ADGRV1: variants seen among roughly 807,000 people sequenced by gnomAD.
ADGRV1 encodes G-protein coupled receptor 98.
In ADGRV1, 359 loss-of-function variants were observed where a neutral mutation model predicts 596.2. That is an observed-to-expected ratio of 0.60 (90% CI 0.55 to 0.66). The LOEUF (loss-of-function observed/expected upper bound fraction) is 0.66. Among genes scored for constraint, ADGRV1 ranks in the 30% least tolerant of loss-of-function variants. The probability of loss-of-function intolerance (pLI) is 0.00; values close to 1 mark genes in which losing one functional copy is unlikely to be tolerated. For missense variants in ADGRV1, 7,274 were observed against 7,575.6 expected (o/e 0.96, Z 1.48); for synonymous variants, 2,681 against 2,679.2 (o/e 1.00, Z -0.02).
At chr5:91,157,180 C>G (rs1796545131) in intron 89 of ADGRV1, among the ~76,000 whole-genome samples, 1 of 152,170 alleles carries the variant, frequency 6.6e-6, no homozygotes, top group Non-Finnish European at 1.5e-5. Context: ...ATGGCCCATT[C>G]CAAGTCAAGT....
chr5:90,714,175 A>G (rs1344179632), intron 42 of ADGRV1, among the ~76,000 whole-genome samples: 1 of 151,988 alleles, frequency 6.6e-6, no homozygotes, highest in African/African-American at 2.4e-5. Context: ...TTAAATTTTT[A>G]TATGCCATTT....
At position 90,625,270 on chromosome 5, in the gene ADGRV1, G is replaced by C. The variant is rs535773920; in HGVS notation, c.672+27G>C. The C allele has an allele frequency of 2.4e-5, 34 of 1,396,066 alleles. No individual in the cohort carries two copies. In the African/African-American group the frequency reaches 3.1e-4, roughly 13 times the overall value. 86.5% of individuals were successfully genotyped at this position (1,396,066 alleles called of 1,614,324 possible). A position where few individuals can be genotyped will look rare whatever the true frequency, so the allele number is the denominator to read the frequency against. ...TTGGCTAATGTTACATACCCAAATG[G>C]GACAAGGATTCTGTGTTGCAGGACA... On this transcript the variant is annotated intron_variant, in intron 6 of 89. Transcript: ENST00000405460.
At chr5:90,870,483 T>G (rs958228833) in intron 83 of ADGRV1, among the ~76,000 whole-genome samples, 29 of 152,116 alleles carry the variant, frequency 1.9e-4, no homozygotes, top group Non-Finnish European at 2.9e-4. Context: ...AATGTTAAAG[T>G]TTTTGAAGCC....
At chr5:90,785,396 T>C (rs937715486) in intron 67 of ADGRV1, among the ~76,000 whole-genome samples, 17 of 152,126 alleles carry the variant, frequency 1.1e-4, no homozygotes, top group African/African-American at 4.1e-4. Flanking sequence ...AAAGCCAAAA[T>C]TGACAAATGG....
intron 21 of ADGRV1, among the ~76,000 whole-genome samples, chr5:90,669,625 A>G (rs1216874124): frequency 2.0e-5 from 3 of 152,162 alleles, no homozygotes; most frequent in Non-Finnish European, 4.4e-5. Context: ...TTATTGTGAA[A>G]TGATAGAATG....
intron 1 of ADGRV1, among the ~76,000 whole-genome samples, chr5:90,573,346 T>C (rs558774135): frequency 6.6e-6 from 1 of 152,290 alleles, no homozygotes; most frequent in African/African-American, 2.4e-5. Context: ...TTCTGAGAAA[T>C]GTGTTTTTAG....
Position 90,921,894 on chromosome 5 carries a change from C to A in ADGRV1, c.17857-43521C>A, listed in dbSNP as rs889327759. 3.3e-5 allele frequency among the ~76,000 whole-genome samples: 5 copies of A among 151,284 alleles called. No homozygotes were observed. The East Asian group carries it at 9.8e-4, about 30-fold the overall frequency. The stretch of plus-strand genomic sequence containing the variant: ...TCTTCCATCTTCAGCATGTGACTTC[C>A]GAGGTCATCCTTCCAGCCTGTGGGA... On this transcript the variant is annotated intron_variant, in intron 83 of 89. Coordinates refer to ENST00000405460, the MANE Select transcript of ADGRV1 (RefSeq NM_032119.4).
chr5:91,058,574 C>A (rs1389300877), intron 85 of ADGRV1, among the ~76,000 whole-genome samples: 2 of 152,044 alleles, frequency 1.3e-5, no homozygotes, highest in East Asian at 3.9e-4. Context: ...GCCCCTGAAC[C>A]AATAGTCAAT....
chr5:90,969,899 C>G (rs548256431), intron 84 of ADGRV1, among the ~76,000 whole-genome samples: 1 of 152,310 alleles, frequency 6.6e-6, no homozygotes, highest in Admixed American at 6.5e-5. Flanking sequence ...GTGCAACCCA[C>G]CGAGCGTGAG....
In ADGRV1 at chr5:90,617,923, C is replaced by T. The variant is rs61753944; in HGVS notation, c.327C>T (p.Asp109=). The T allele has an allele frequency of 4.5e-3, 7,160 of 1,584,912 alleles. 206 individuals carry two copies. In the African/African-American group the frequency reaches 0.074, roughly 16 times the overall value. ...GTGATGATGACTTACCAGAGCCTGA[C>T]GAAACTTTTATTTTTCACTTAACAT... is the stretch of plus-strand genomic sequence containing the variant. The part of the protein sequence containing the change: ...AVCDDDLPEP[D]ETFIFHLTLQ... Residue 109 remains aspartate, a synonymous_variant, in exon 3 of 90, where the codon GAC becomes GAT. Transcript: ENST00000405460.
chr5:90,714,522 C>A (rs896483223), intron 42 of ADGRV1, among the ~76,000 whole-genome samples: 2 of 151,852 alleles, frequency 1.3e-5, no homozygotes, highest in Admixed American at 6.5e-5. Context: ...TTTCTTAGGT[C>A]TTTTCACCCA....
intron 85 of ADGRV1, among the ~76,000 whole-genome samples, chr5:90,994,796 G>A (rs1345167194): frequency 2.0e-5 from 3 of 152,164 alleles, no homozygotes; most frequent in African/African-American, 7.2e-5. Context: ...CGTGGCCACT[G>A]ACATCTCTGT....
intron 83 of ADGRV1, among the ~76,000 whole-genome samples, chr5:90,949,423 A>G (rs1052812718): frequency 1.8e-4 from 28 of 152,206 alleles, no homozygotes; most frequent in Non-Finnish European, 1.2e-4. Flanking sequence ...TTGTTTTAAC[A>G]ACTTTTCTGT....
chr5:91,057,884 G>C (rs139792332), intron 85 of ADGRV1, among the ~76,000 whole-genome samples: 55 of 152,220 alleles, frequency 3.6e-4, no homozygotes, highest in African/African-American at 1.2e-3. Flanking sequence ...TTTTATGGAA[G>C]GAATACGTGT....
At chr5:91,090,498 T>A (rs968919017) in intron 86 of ADGRV1, among the ~76,000 whole-genome samples, 15 of 152,040 alleles carry the variant, frequency 9.9e-5, no homozygotes, top group African/African-American at 3.1e-4. Context: ...CTAAGTCAGC[T>A]CTTGACAAAG....
intron 1 of ADGRV1, among the ~76,000 whole-genome samples, chr5:90,587,151 A>G (rs1185242555): frequency 6.6e-6 from 1 of 152,216 alleles, no homozygotes; most frequent in East Asian, 1.9e-4. Context: ...AATCACATTC[A>G]TTATCCCTTT....
intron 85 of ADGRV1, among the ~76,000 whole-genome samples, chr5:91,020,222 A>T (rs1248369894): frequency 8.6e-5 from 13 of 151,922 alleles, no homozygotes; most frequent in Non-Finnish European, 1.5e-5. Context: ...ATGCTTTTGT[A>T]AGCTGGCCTT....
At position 91,163,775 on chromosome 5, in the gene ADGRV1, G is replaced by A. The variant is rs1444130197; in HGVS notation, c.18803-7G>A. On this transcript the variant is annotated splice_region_variant and splice_polypyrimidine_tract_variant and intron_variant, in intron 89 of 89. Coordinates refer to ENST00000405460, the MANE Select transcript of ADGRV1 (RefSeq NM_032119.4). Reference sequence around the variant, plus strand: ...GGATTTTTGTGTTCATTCTATTTCTGTGGCAGGTGCTGGTCTCAGTGTCAG... The same window carrying A: ...GGATTTTTGTGTTCATTCTATTTCTATGGCAGGTGCTGGTCTCAGTGTCAG... The A allele has an allele frequency of 5.2e-6, 7 of 1,334,772 alleles. No individual in the cohort carries two copies. Among genetic ancestry groups the A allele is most frequent in the African/African-American group, 1.4e-5 (1 of 69,116 alleles). 82.7% of individuals were successfully genotyped at this position (1,334,772 alleles called of 1,614,324 possible). A position where few individuals can be genotyped will look rare whatever the true frequency, so the allele number is the denominator to read the frequency against.
At chr5:90,841,078 G>A (rs2150360686) in intron 78 of ADGRV1, 93 bp downstream of exon 78, 1 of 817,644 alleles carries the variant, frequency 1.2e-6, no homozygotes, top group Admixed American at 3.2e-5. Context: ...TTTTAACATT[G>A]GTTATTATGA....
Sources: allele counts gnomAD v4.1 joint callset (sites outside exome capture counted in the v4.1 genomes callset), GRCh38; gene constraint gnomAD v4.1.1; transcripts MANE v1.5; gene names NCBI Gene and HGNC (gene_info 2026-07-23, HGNC 2026-07-21).